Variants in PCDH15 observed in about 807,000 individuals in gnomAD.
PCDH15 encodes the protein protocadherin related 15, also known as protocadherin-15.
A neutral mutation model predicts 178.5 loss-of-function variants in PCDH15; 129 were observed. The observed-to-expected ratio is 0.72, with a 90% CI of 0.63 to 0.84. PCDH15 has a LOEUF of 0.84. PCDH15 is among the 40% of genes least tolerant of loss of function. The pLI, the probability that PCDH15 is intolerant of heterozygous loss-of-function variation, is 0.00. For missense variants in PCDH15, 2,230 were observed against 2,099.9 expected (o/e 1.06, Z -1.21); for synonymous variants, 800 against 732.0 (o/e 1.09, Z -1.50).
chr10:55,513,857 C>T (rs1589098965), intron 2 of PCDH15, among the ~76,000 whole-genome samples: 2 of 151,996 alleles, frequency 1.3e-5, no homozygotes, highest in East Asian at 3.9e-4. Context: ...TAGCCACCTT[C>T]CTAATCTTCT....
chr10:54,375,839 T>C (rs1447916260), intron 4 of PCDH15, among the ~76,000 whole-genome samples: 2 of 141,726 alleles, frequency 1.4e-5, no homozygotes, highest in African/African-American at 2.6e-5. Context: ...AAATGGAATA[T>C]ATATATATAA....
At chr10:54,657,682 A>T (rs1187249173) in intron 2 of PCDH15, among the ~76,000 whole-genome samples, 1 of 152,210 alleles carries the variant, frequency 6.6e-6, no homozygotes, top group Non-Finnish European at 1.5e-5. Flanking sequence ...ATCATAACAT[A>T]AATCACAGTA....
chr10:54,816,342 G>A (rs1952949966), intron 3 of PCDH15, among the ~76,000 whole-genome samples: 1 of 152,028 alleles, frequency 6.6e-6, no homozygotes, highest in Non-Finnish European at 1.5e-5. Flanking sequence ...CTAAAATCTA[G>A]TAGATTATTT....
intron 3 of PCDH15, among the ~76,000 whole-genome samples, chr10:54,421,929 C>CTATATATATATACACTA (rs1565232430): frequency 0.044 from 4,681 of 105,624 alleles, 261 homozygotes; most frequent in Middle Eastern, 0.089. Flanking sequence ...TATATATACA[C>CTATATATATATACACTA]TATATATATA....
intron 18 of PCDH15, among the ~76,000 whole-genome samples, chr10:54,024,309 T>C (rs1345828615): frequency 3.3e-5 from 5 of 152,082 alleles, no homozygotes; most frequent in Admixed American, 6.6e-5. Flanking sequence ...TATTATATAA[T>C]TATGCCCCAA....
At chr10:55,403,642 G>A (rs1332179905) in intron 2 of PCDH15, among the ~76,000 whole-genome samples, 1 of 151,734 alleles carries the variant, frequency 6.6e-6, no homozygotes, top group Non-Finnish European at 1.5e-5. Context: ...CGCAATATAT[G>A]TTCTCAGCAC....
chr10:54,859,520 T>C (rs1215521717), intron 3 of PCDH15, among the ~76,000 whole-genome samples: 2 of 151,992 alleles, frequency 1.3e-5, no homozygotes, highest in Admixed American at 1.3e-4. Flanking sequence ...AACTAAAAAA[T>C]AATTGCCTAA....
intron 2 of PCDH15, among the ~76,000 whole-genome samples, chr10:55,033,116 C>T: frequency 6.6e-6 from 1 of 152,050 alleles, no homozygotes; most frequent in South Asian, 2.1e-4. Context: ...CAAGTGATAC[C>T]TCAGAGAGCC....
At chr10:54,563,385 A>G (rs767155410) in intron 2 of PCDH15, among the ~76,000 whole-genome samples, 2 of 152,054 alleles carry the variant, frequency 1.3e-5, no homozygotes, top group Non-Finnish European at 2.9e-5. Context: ...ATGGGTTTAC[A>G]TGAGTAATTG....
chr10:54,196,764 T>TA (rs967201646), intron 10 of PCDH15, among the ~76,000 whole-genome samples: 1 of 152,082 alleles, frequency 6.6e-6, no homozygotes, highest in African/African-American at 2.4e-5. Context: ...GAGCCCTCAT[T>TA]AATGGGGTGA....
At chr10:53,910,933 T>C (rs552584421) in intron 25 of PCDH15, among the ~76,000 whole-genome samples, 1 of 152,040 alleles carries the variant, frequency 6.6e-6, no homozygotes, top group Admixed American at 6.6e-5. Context: ...ATCAAGTTAA[T>C]GAAACAAAGT....
exon 2 of PCDH15, chr10:55,627,708 GA>G (rs1282182125): frequency 6.6e-6 from 1 of 152,122 alleles, no homozygotes; most frequent in Non-Finnish European, 1.5e-5. Context: ...AGCAGCCACG[GA>G]GCTTAGGTCC....
At chr10:55,099,774 C>T (rs116895925) in intron 2 of PCDH15, among the ~76,000 whole-genome samples, 3,034 of 151,140 alleles carry the variant, frequency 0.02, 49 homozygotes, top group Middle Eastern at 0.065. Flanking sequence ...GAAAAGCAAA[C>T]TTGACTGCCA....
At chr10:54,430,800 A>G (rs1444663666) in intron 3 of PCDH15, among the ~76,000 whole-genome samples, 1 of 152,106 alleles carries the variant, frequency 6.6e-6, no homozygotes, top group Non-Finnish European at 1.5e-5. Context: ...GAAGAAAACA[A>G]TACAAAAGAA....
chr10:53,832,759 T>G (rs955877532), intron 29 of PCDH15, among the ~76,000 whole-genome samples: 2 of 152,056 alleles, frequency 1.3e-5, no homozygotes, highest in African/African-American at 4.8e-5. Context: ...GTCTATTTTA[T>G]GCCCTTTTGA....
At position 55,493,877 on chromosome 10, in the gene PCDH15, T is replaced by C. The variant is rs150931800; in HGVS notation, c.-156+133748A>G. 6.6e-5 allele frequency among the ~76,000 whole-genome samples: 10 copies of C among 151,972 alleles called. No individual in the cohort carries two copies. The East Asian group carries it at 1.6e-3, about 24-fold the overall frequency. ...ATTTATAGAATTACAAAATAGAGTG[T>C]AGTGGCACATATATTTTTCCCTCCT... On this transcript the variant is annotated intron_variant, in intron 2 of 5. Transcript: ENST00000613346.
chr10:55,523,877 C>G (rs753043976), intron 2 of PCDH15, among the ~76,000 whole-genome samples: 25 of 151,520 alleles, frequency 1.6e-4, no homozygotes, highest in Non-Finnish European at 2.5e-4. Flanking sequence ...AATGTCATCT[C>G]CTGTTATAAA....
chr10:54,421,645 A>G (rs1256502696), intron 3 of PCDH15, among the ~76,000 whole-genome samples: 1 of 131,278 alleles, frequency 7.6e-6, no homozygotes, highest in African/African-American at 2.8e-5. Context: ...CTACATTTAT[A>G]TATGTACATG....
intron 2 of PCDH15, among the ~76,000 whole-genome samples, chr10:55,109,104 C>A (rs1174786046): frequency 6.6e-6 from 1 of 152,154 alleles, no homozygotes; most frequent in Non-Finnish European, 1.5e-5. Context: ...AGAACACTCA[C>A]CCAACTTTAT....
Sources: allele counts gnomAD v4.1 joint callset (sites outside exome capture counted in the v4.1 genomes callset), GRCh38; gene constraint gnomAD v4.1.1; transcripts MANE v1.5; gene names NCBI Gene and HGNC (gene_info 2026-07-23, HGNC 2026-07-21).